FASTKD5: variants seen among roughly 807,000 people sequenced by gnomAD.
FASTKD5 encodes the protein FAST kinase domains 5, also known as non-canonical pre-mRNAs endonuclease FASTKD5, mitochondrial.
In FASTKD5, 30 loss-of-function variants were observed where a neutral mutation model predicts 44.0. That is an observed-to-expected ratio of 0.68 (90% CI 0.51 to 0.93). FASTKD5 has a LOEUF of 0.93. FASTKD5 is among the 40% of genes least tolerant of loss of function. The pLI is 0.00. For synonymous variants in FASTKD5, 335 were observed against 342.2 expected (o/e 0.98, Z 0.23); for missense variants, 868 against 908.2 (o/e 0.96, Z 0.57).
intron 1 of FASTKD5, chr20:3,151,647 TA>T (rs556154498): frequency 5.2e-4 from 78 of 151,274 alleles, no homozygotes; most frequent in Middle Eastern, 6.8e-3. Context: ...AAAAATAAAT[TA>T]AAAAAATAAA....
rs2066574917 is a variant in FASTKD5 at position 3,147,286 on chromosome 20, A to G, written c.1785T>C (p.Asp595=). 1 of 1,614,102 alleles carries G rather than the reference A, an allele frequency of 6.2e-7. No homozygotes were observed. The highest frequency in any genetic ancestry group is 1.7e-5 in the Admixed American group (1 of 59,998). Residue 595 remains aspartate (D), a synonymous_variant, in exon 2 of 2, where the codon GAT becomes GAC. Coordinates refer to ENST00000380266, the MANE Select transcript of FASTKD5 (RefSeq NM_021826.5). ...TAAATGGTAATGGCTTCAGGTTAAC[A>G]TCAAGCTGGACCTCTAAGTCAGAAG... The part of the protein sequence containing the change: ...TRSSDLEVQL[D]VNLKPLPFNR...
Position 3,147,069 on chromosome 20 carries a change from A to C in FASTKD5, c.2002T>G (p.Phe668Val), listed in dbSNP as rs2066571788. 6.2e-7 allele frequency: 1 copy of C among 1,614,200 alleles called. No individual in the cohort carries two copies. Among genetic ancestry groups the C allele is most frequent in the East Asian group, 2.2e-5 (1 of 44,896 alleles). ...GATTTATCTGCTACATTGCAAAGGA[A>C]GCCCCCCAGAGGTACAGCTGCCTTA... is the stretch of plus-strand genomic sequence containing the variant. ...ENKAAVPLGGFLCNVADKSGA... is the reference protein window; with the variant it reads ...ENKAAVPLGGVLCNVADKSGA... The change falls in exon 2 of 2, where the codon TTC (phenylalanine) becomes GTC (valine). Residue 668 changes from phenylalanine (F) to valine (V), a missense_variant. By Grantham distance (50) the Phe-to-Val change is conservative. Coordinates refer to ENST00000380266, the MANE Select transcript of FASTKD5 (RefSeq NM_021826.5).
Position 3,149,031 on chromosome 20 carries a change from G to A in FASTKD5, c.40C>T (p.Arg14Ter), listed in dbSNP as rs761247290. The change falls in exon 2 of 2, where the codon CGA (arginine) becomes TGA (stop). Residue 14 changes from arginine to a stop codon, truncating the protein, a stop_gained. Coordinates refer to ENST00000380266, the MANE Select transcript of FASTKD5 (RefSeq NM_021826.5). LOFTEE classifies it high-confidence loss of function. This position sits in a 1 kb window ranked among gnomAD's most constrained non-coding sequence, Gnocchi z 4.1. ...AAGGCAGAAGGACTGCAAAATGCTC[G>A]GTATCTTACAAGTTTTAATGACTTG... ...TLKSLKLVRY[R>*]AFCSPSAFGA... The A allele has an allele frequency of 6.8e-6, 11 of 1,613,478 alleles. No homozygotes were observed. Among genetic ancestry groups the A allele is most frequent in the South Asian group, 2.2e-5 (2 of 90,968 alleles).
chr20:3,155,453 C>G (rs2066674243), intron 1 of FASTKD5, among the ~76,000 whole-genome samples: 1 of 152,114 alleles, frequency 6.6e-6, no homozygotes, highest in Non-Finnish European at 1.5e-5. Flanking sequence ...ATCACTTGAA[C>G]CCGCGAGGCA....
At chr20:3,159,536 T>A (rs1263428238) in intron 1 of FASTKD5, among the ~76,000 whole-genome samples, 1 of 152,200 alleles carries the variant, frequency 6.6e-6, no homozygotes, top group Non-Finnish European at 1.5e-5. Context: ...AAGGGTCAGA[T>A]AAGCCCCCTG....
Position 3,147,679 on chromosome 20 carries a change from T to A in FASTKD5, c.1392A>T (p.Glu464Asp), listed in dbSNP as rs1039003966. The A allele has an allele frequency of 1.9e-6, 3 of 1,614,258 alleles. No individual in the cohort carries two copies. Among genetic ancestry groups the A allele is most frequent in the Non-Finnish European group, 1.7e-6 (2 of 1,180,044 alleles). ...GCAGGTGTTCTGGGTACTGGTTGAA[T>A]TCAGGCATCTTTCTGTGAATCTCAC... ...LISEIHRKMP[E>D]FNQYPEHLPT... Residue 464 changes from glutamate (E) to aspartate (D), a missense_variant, in exon 2 of 2, where the codon GAA becomes GAT. Glu to Asp is a conservative substitution (Grantham distance 45, BLOSUM62 2). Transcript: ENST00000380266.
chr20:3,148,952 C>T lies in FASTKD5; in HGVS notation c.119G>A (p.Gly40Glu), dbSNP rs1245364476. 29 of 1,614,054 alleles carry T rather than the reference C, an allele frequency of 1.8e-5. No homozygotes were observed. Among genetic ancestry groups the T allele is most frequent in the Non-Finnish European group, 2.1e-5 (25 of 1,180,058 alleles). Residue 40 changes from glycine (G) to glutamate (E), a missense_variant, in exon 2 of 2, where the codon GGA becomes GAA. Physicochemically the swap from Gly to Glu is moderately conservative, Grantham distance 98. Coordinates refer to ENST00000380266, the MANE Select transcript of FASTKD5 (RefSeq NM_021826.5). Reference sequence around the variant, plus strand: ...GCTAATGTGTTCTGGAGGGTCCTGTCCCCCATGCTGTGTGCTGCTCACATT... The same window carrying T: ...GCTAATGTGTTCTGGAGGGTCCTGTTCCCCATGCTGTGTGCTGCTCACATT... ...YWNVSSTQHG[G>E]QDPPEHISLC...
chr20:3,146,756 G>A lies in FASTKD5; in HGVS notation c.*20C>T. On this transcript the variant is annotated 3_prime_UTR_variant, in exon 2 of 2. Transcript: ENST00000380266. ...AGTATACACCTATAGCTTTGCCATA[G>A]AAATGCCCCTAAATGCCCTTCAGAG... 6.2e-7 allele frequency: 1 copy of A among 1,603,966 alleles called. No individual in the cohort carries two copies. Among genetic ancestry groups the A allele is most frequent in the African/African-American group, 1.3e-5 (1 of 74,756 alleles).
At chr20:3,157,763 C>A (rs192511732) in intron 1 of FASTKD5, among the ~76,000 whole-genome samples, 3 of 152,296 alleles carry the variant, frequency 2.0e-5, no homozygotes, top group African/African-American at 7.2e-5. Context: ...AGAGAAAATT[C>A]CCAAATAAAT....
chr20:3,156,016 G>C (rs1236965310), intron 1 of FASTKD5, among the ~76,000 whole-genome samples: 2 of 152,104 alleles, frequency 1.3e-5, no homozygotes, highest in Non-Finnish European at 2.9e-5. Context: ...AGAACAGTAG[G>C]GAGAAAAGAC....
At position 3,148,256 on chromosome 20, in the gene FASTKD5, T is replaced by G. The variant is rs745395419; in HGVS notation, c.815A>C (p.His272Pro). The G allele has an allele frequency of 4.3e-6, 7 of 1,612,424 alleles. No homozygotes were observed. The highest frequency in any genetic ancestry group is 1.3e-5 in the African/African-American group (1 of 74,822). Residue 272 changes from histidine to proline, a missense_variant, in exon 2 of 2, where the codon CAC (histidine) becomes CCC (proline). Coordinates refer to ENST00000380266, the MANE Select transcript of FASTKD5 (RefSeq NM_021826.5). ...CTGAGACAAGGATAGATCCTTCCAG[T>G]GCAAATTAAGATAACTAGAAAAAAT... ...LNIFSSYLNLHWKDLSLSQLV... is the reference protein window; with the variant it reads ...LNIFSSYLNLPWKDLSLSQLV...
At chr20:3,151,718 T>G (rs1397272645) in intron 1 of FASTKD5, 1 of 152,030 alleles carries the variant, frequency 6.6e-6, no homozygotes, top group East Asian at 1.9e-4. Flanking sequence ...TGTTTTTCTT[T>G]AATATTTAGA....
chr20:3,149,350 G>A lies in FASTKD5; in HGVS notation c.-190-90C>T. 2.4e-6 allele frequency: 1 copy of A among 416,434 alleles called. No individual in the cohort carries two copies. The highest frequency in any genetic ancestry group is 4.3e-6 in the Non-Finnish European group (1 of 232,870). 25.8% of individuals were successfully genotyped at this position (416,434 alleles called of 1,614,324 possible). ...ATAAAAAACAGGTTGAAACTACACTGCTGTCTACTCAAATAAGTTCAATGC... is the reference window on the plus strand; with the variant it reads ...ATAAAAAACAGGTTGAAACTACACTACTGTCTACTCAAATAAGTTCAATGC... On this transcript the variant is annotated intron_variant, in intron 1 of 1. Coordinates refer to ENST00000380266, the MANE Select transcript of FASTKD5 (RefSeq NM_021826.5). The surrounding 1 kb of genome is among the most constrained non-coding windows in gnomAD (Gnocchi z 4.1).
At position 3,148,729 on chromosome 20, in the gene FASTKD5, G is replaced by T; in HGVS notation, c.342C>A (p.Asn114Lys). The T allele has an allele frequency of 6.2e-7, 1 of 1,614,226 alleles. No individual in the cohort carries two copies. The highest frequency in any genetic ancestry group is 8.5e-7 in the Non-Finnish European group (1 of 1,180,038). ...GTCTTAGCTGTAGGAAAACTCGCATGTTTTCAAAGGAATCAAACACTTCTA... is the reference window on the plus strand; with the variant it reads ...GTCTTAGCTGTAGGAAAACTCGCATTTTTTCAAAGGAATCAAACACTTCTA... Reference protein sequence around the residue: ...EDVEVFDSFENMRVFLQLRPE... With the variant: ...EDVEVFDSFEKMRVFLQLRPE... The change falls in exon 2 of 2, where the codon AAC becomes AAA. Residue 114 changes from asparagine to lysine, a missense_variant. Transcript: ENST00000380266.
At chr20:3,155,647 A>G (rs2066676386) in intron 1 of FASTKD5, among the ~76,000 whole-genome samples, 1 of 152,240 alleles carries the variant, frequency 6.6e-6, no homozygotes, top group Non-Finnish European at 1.5e-5. Context: ...AAATTAAAAA[A>G]TCCATGTATT....
In FASTKD5 at chr20:3,146,877, C is replaced by T. The variant is rs2066568716; in HGVS notation, c.2194G>A (p.Val732Met). The T allele has an allele frequency of 6.2e-7, 1 of 1,614,200 alleles. No individual in the cohort carries two copies. The highest frequency in any genetic ancestry group is 8.5e-7 in the Non-Finnish European group (1 of 1,180,038). ...RRQLARLGYR[V>M]VELSYWEWLP... ...CATTCCCAGTAGGATAACTCTACCA[C>T]ACGGTAGCCAAGCCGAGCCAGCTGC... The change falls in exon 2 of 2, where the codon GTG becomes ATG. Residue 732 changes from valine (V) to methionine (M), a missense_variant. Transcript: ENST00000380266.
In FASTKD5 at chr20:3,147,829, C is replaced by CA. The variant is rs1163902872; in HGVS notation, c.1241dup (p.Ala415GlyfsTer7). 1 of 1,614,192 alleles carries CA rather than the reference C, an allele frequency of 6.2e-7. No homozygotes were observed. The highest frequency in any genetic ancestry group is 2.2e-5 in the East Asian group (1 of 44,884). ...CCACTCTAGGAGGCAAAGACGCAGC[C>CA]ACTGCATTCATTACTCCTTCATTCA... On this transcript the variant is annotated frameshift_variant, in exon 2 of 2. Transcript: ENST00000380266. LOFTEE classifies it high-confidence loss of function.
Position 3,157,429 on chromosome 20 carries a change from T to C in FASTKD5, c.-191+2337A>G, listed in dbSNP as rs555404799. ...CTTTTTGTTCTAGACTCCATGCTGA[T>C]AGGAGAAAAACAGCACATCACAAAC... On this transcript the variant is annotated intron_variant, in intron 1 of 1. Coordinates refer to ENST00000380266, the MANE Select transcript of FASTKD5 (RefSeq NM_021826.5). Among the ~76,000 whole-genome samples, 8 of 152,322 alleles carry C rather than the reference T, an allele frequency of 5.3e-5. No homozygotes were observed. The East Asian group carries it at 1.2e-3, about 22-fold the overall frequency.
chr20:3,153,631 A>G (rs950925098), intron 1 of FASTKD5, among the ~76,000 whole-genome samples: 2 of 152,194 alleles, frequency 1.3e-5, no homozygotes, highest in African/African-American at 4.8e-5. Flanking sequence ...TGGCTGAACA[A>G]TCTATGGTCT....
Sources: gnomAD v4.1 joint callset for allele counts (sites outside exome capture counted in the v4.1 genomes callset) on GRCh38, gnomAD v4.1.1 for gene constraint, Gnocchi (gnomAD v3.1) non-coding constraint, MANE v1.5 for transcripts, NCBI Gene and HGNC (gene_info 2026-07-23, HGNC 2026-07-21) for gene names.